HTR2C: variants seen among roughly 807,000 people sequenced by gnomAD.
The protein encoded by HTR2C is 5-hydroxytryptamine (serotonin) receptor 2C, G protein-coupled.
A neutral mutation model predicts 21.0 loss-of-function variants in HTR2C; 5 were observed. That is an observed-to-expected ratio of 0.24 (90% CI 0.12 to 0.50). HTR2C has a LOEUF of 0.50. Among genes scored for constraint, HTR2C ranks in the 20% least tolerant of loss-of-function variants. HTR2C has a pLI of 0.98. For synonymous variants in HTR2C, 150 were observed against 145.3 expected, an observed-to-expected ratio of 1.03 and a Z score of -0.23; for missense variants, 271 against 371.2, an observed-to-expected ratio of 0.73 and a Z score of 2.22.
At chrX:114,826,662 T>G (rs190144662) in intron 4 of HTR2C, among the ~76,000 whole-genome samples, 59 of 111,962 alleles carry the variant, frequency 5.3e-4, no homozygotes, top group African/African-American at 1.8e-3. Flanking sequence ...GCTCAGCTTG[T>G]ACAACTATCT....
At chrX:114,742,472 C>T (rs1024058323) in intron 4 of HTR2C, among the ~76,000 whole-genome samples, 12 of 111,284 alleles carry the variant, frequency 1.1e-4, no homozygotes, top group Admixed American at 1.9e-4. Flanking sequence ...CAAGACTGAA[C>T]TCTAAGTCTG....
At chrX:114,783,979 A>G (rs145900526) in intron 4 of HTR2C, among the ~76,000 whole-genome samples, 1,196 of 111,156 alleles carry the variant, frequency 0.011, 21 homozygotes, top group Admixed American at 0.072. Flanking sequence ...TGTCAAGAAT[A>G]AGGCTGAAAA....
At chrX:114,634,673 C>T (rs782019789) in intron 2 of HTR2C, among the ~76,000 whole-genome samples, 32 of 110,492 alleles carry the variant, frequency 2.9e-4, no homozygotes, top group African/African-American at 1.1e-3. Context: ...TAGAAGGGCA[C>T]GGTGGCACAT....
intron 2 of HTR2C, among the ~76,000 whole-genome samples, chrX:114,645,033 A>AACATTTTC (rs1930311273): frequency 9.0e-6 from 1 of 110,816 alleles, no homozygotes; most frequent in East Asian, 2.9e-4. Context: ...GGGCAACTGG[A>AACATTTTC]AGGAAAAGAC....
At chrX:114,870,579 T>A (rs920583748) in intron 5 of HTR2C, among the ~76,000 whole-genome samples, 2 of 111,419 alleles carry the variant, frequency 1.8e-5, no homozygotes, top group Non-Finnish European at 1.9e-5. Flanking sequence ...GACTTTTTTT[T>A]ATCATGGCTT....
chrX:114,661,398 G>T (rs1930982306), intron 2 of HTR2C, among the ~76,000 whole-genome samples: 1 of 59,225 alleles, frequency 1.7e-5, no homozygotes, highest in East Asian at 8.4e-4. Context: ...CACTATGAAT[G>T]AATTTGTAAA....
chrX:114,685,512 A>T (rs782070263), intron 2 of HTR2C, among the ~76,000 whole-genome samples: 1 of 111,991 alleles, frequency 8.9e-6, no homozygotes, highest in South Asian at 3.7e-4. Context: ...ATTACTGTGT[A>T]TGTTTACATG....
intron 2 of HTR2C, among the ~76,000 whole-genome samples, chrX:114,721,650 G>A (rs1291243869): frequency 4.6e-5 from 5 of 109,235 alleles, no homozygotes; most frequent in African/African-American, 1.7e-4. Context: ...TATGGTTTTA[G>A]GTCTAATGTT....
chrX:114,900,372 TG>T, intron 5 of HTR2C: 1 of 257,451 alleles, frequency 3.9e-6, no homozygotes, highest in Non-Finnish European at 7.4e-6. Context: ...CTGAGATTTC[TG>T]GTCAAACTTG....
chrX:114,833,230 G>A (rs2070746642), intron 4 of HTR2C, among the ~76,000 whole-genome samples: 1 of 102,526 alleles, frequency 9.8e-6, no homozygotes, highest in Non-Finnish European at 2.0e-5. Context: ...GACTTAGGGA[G>A]GATTCCCTCT....
intron 2 of HTR2C, among the ~76,000 whole-genome samples, chrX:114,698,489 C>T (rs72014365): frequency 2.1e-5 from 2 of 97,139 alleles, no homozygotes; most frequent in African/African-American, 6.9e-5. Context: ...CGCACACACA[C>T]AGAGAAATGT....
intron 1 of HTR2C, among the ~76,000 whole-genome samples, chrX:114,586,171 G>C (rs1556389622): frequency 9.0e-6 from 1 of 111,540 alleles, no homozygotes; most frequent in East Asian, 2.8e-4. Context: ...ATGCCCCACA[G>C]AAAATGATAT....
chrX:114,869,346 G>C (rs1370247359), intron 5 of HTR2C, among the ~76,000 whole-genome samples: 1 of 111,422 alleles, frequency 9.0e-6, no homozygotes. Context: ...TAATCCTTTG[G>C]GTATATACCC....
At position 114,728,439 on chromosome X, in the gene HTR2C, A is replaced by G. The variant is rs1335384996; in HGVS notation, c.35+1468A>G. On this transcript the variant is annotated intron_variant, in intron 3 of 5. Transcript: ENST00000276198. ...ATTAGATTTAATTATAATACAGACA[A>G]TTCTTCATTACAAAACTGAAGAATA... Among the ~76,000 whole-genome samples the G allele has an allele frequency of 2.7e-5, 3 of 111,187 alleles. No individual in the cohort carries two copies. The East Asian group carries it at 8.6e-4, about 32-fold the overall frequency.
At chrX:114,863,728 G>T (rs1414095053) in intron 5 of HTR2C, among the ~76,000 whole-genome samples, 1 of 110,306 alleles carries the variant, frequency 9.1e-6, no homozygotes, top group Non-Finnish European at 1.9e-5. Context: ...GTTATAAGTG[G>T]GATATTAAAA....
At chrX:114,885,440 A>T (rs1309720635) in intron 5 of HTR2C, among the ~76,000 whole-genome samples, 2 of 111,323 alleles carry the variant, frequency 1.8e-5, no homozygotes, top group Admixed American at 9.6e-5. Flanking sequence ...TTCTCAGAAG[A>T]TGTGGCCATC....
intron 2 of HTR2C, among the ~76,000 whole-genome samples, chrX:114,700,949 G>C (rs980792346): frequency 8.0e-5 from 9 of 112,204 alleles, no homozygotes; most frequent in South Asian, 3.7e-4. Flanking sequence ...ACGGAGTCTT[G>C]CTGATTGCTA....
In HTR2C at chrX:114,742,725, T is replaced by TC. The variant is rs1491370122; in HGVS notation, c.349+11118_349+11119insC. Among the ~76,000 whole-genome samples the TC allele has an allele frequency of 2.3e-4, 5 of 21,618 alleles. No homozygotes were observed. The East Asian group carries it at 0.074, about 318-fold the overall frequency. The allele number at this position is 21,618 out of a possible 115,157, so 18.8% of individuals were successfully genotyped here. ...AAGCAGCTACTGTTTTTTTTTTTTT[T>TC]AATTTTTTTTTTTTTTATTATACTC... is the stretch of plus-strand genomic sequence containing the variant. On this transcript the variant is annotated intron_variant, in intron 4 of 5. Transcript: ENST00000276198.
chrX:114,805,852 T>TAC (rs1382443269), intron 4 of HTR2C, among the ~76,000 whole-genome samples: 2 of 92,525 alleles, frequency 2.2e-5, no homozygotes, highest in African/African-American at 8.4e-5. Flanking sequence ...ACCATATATA[T>TAC]ACCATATATA....
Sources: allele counts gnomAD v4.1 joint callset (sites outside exome capture counted in the v4.1 genomes callset), GRCh38; gene constraint gnomAD v4.1.1; transcripts MANE v1.5; gene names NCBI Gene and HGNC (gene_info 2026-07-23, HGNC 2026-07-21).